Variants in HDAC9 observed in about 807,000 individuals in gnomAD.
HDAC9 encodes MEF-2 interacting transcription repressor (MITR) protein.
A neutral mutation model predicts 139.4 loss-of-function variants in HDAC9; 41 were observed. The observed-to-expected ratio is 0.29, with a 90% CI of 0.23 to 0.38. The LOEUF (loss-of-function observed/expected upper bound fraction) is 0.38, where lower values mean the gene tolerates loss of function less well. Ranked by LOEUF, HDAC9 falls within the 10% of genes least tolerant of loss-of-function variation. The pLI is 1.00. For missense variants in HDAC9, 1,147 were observed against 1,297.0 expected, an observed-to-expected ratio of 0.88 and a Z score of 1.78; for synonymous variants, 517 against 476.2, an observed-to-expected ratio of 1.09 and a Z score of -1.12.
At chr7:18,193,443 C>T (rs1387051611) in intron 2 of HDAC9, among the ~76,000 whole-genome samples, 1 of 152,154 alleles carries the variant, frequency 6.6e-6, no homozygotes, top group Non-Finnish European at 1.5e-5. Flanking sequence ...AAATTATTCT[C>T]TCCCTTTGCT....
chr7:18,720,163 T>C (rs1785036336), intron 12 of HDAC9, among the ~76,000 whole-genome samples: 1 of 152,144 alleles, frequency 6.6e-6, no homozygotes, highest in Admixed American at 6.5e-5. Flanking sequence ...TATCTATCCA[T>C]ATATCAAATA....
At chr7:18,441,313 T>A (rs10252018) in intron 1 of HDAC9, among the ~76,000 whole-genome samples, 8,512 of 152,310 alleles carry the variant, frequency 0.056, 418 homozygotes, top group African/African-American at 0.13. Context: ...TTTATTGTAA[T>A]ATTTTACTGG....
chr7:18,137,632 G>A (rs1026432181), intron 1 of HDAC9, among the ~76,000 whole-genome samples: 52 of 150,374 alleles, frequency 3.5e-4, no homozygotes, highest in African/African-American at 1.2e-3. Context: ...TATTGAACCA[G>A]CCTTGCATCC....
At chr7:18,384,912 C>T (rs978238684) in intron 1 of HDAC9, among the ~76,000 whole-genome samples, 4 of 151,710 alleles carry the variant, frequency 2.6e-5, no homozygotes, top group African/African-American at 9.7e-5. Flanking sequence ...ATTAGATAGA[C>T]ACATTTCTCC....
intron 22 of HDAC9, among the ~76,000 whole-genome samples, chr7:18,922,837 A>G (rs1412156449): frequency 1.3e-5 from 2 of 152,096 alleles, no homozygotes; most frequent in Admixed American, 1.3e-4. Context: ...ATGCTTCCCA[A>G]GGTAGACTAG....
In HDAC9 at chr7:18,878,187, AT is replaced by A. The variant is rs1005836380; in HGVS notation, c.2803+3600del. ...CCCCTGGCTTTATAGTGTTGTTAACATTTTTTTTTAAAAAAAAGCTTCTTTG... is the reference window on the plus strand; with the variant it reads ...CCCCTGGCTTTATAGTGTTGTTAACATTTTTTTTAAAAAAAAGCTTCTTTG... On this transcript the variant is annotated intron_variant, in intron 22 of 25. Coordinates refer to ENST00000686413, the MANE Select transcript of HDAC9 (RefSeq NM_178425.4). Among the ~76,000 whole-genome samples, 12 of 151,418 alleles carry A rather than the reference AT, an allele frequency of 7.9e-5. 1 individual carries two copies. The highest frequency in any genetic ancestry group is 4.0e-4 in the Admixed American group (6 of 15,184).
At chr7:18,092,206 C>A (rs146613162) in intron 1 of HDAC9, among the ~76,000 whole-genome samples, 7 of 151,904 alleles carry the variant, frequency 4.6e-5, no homozygotes, top group Middle Eastern at 3.4e-3. Context: ...GGCAACATGG[C>A]GCGACCCTGT....
At chr7:18,965,342 A>C (rs1449635190) in intron 24 of HDAC9, among the ~76,000 whole-genome samples, 1 of 152,220 alleles carries the variant, frequency 6.6e-6, no homozygotes, top group Non-Finnish European at 1.5e-5. Flanking sequence ...CATTTTAGTA[A>C]TATGTGTCTC....
At chr7:18,874,001 GTT>G (rs35144869) in intron 21 of HDAC9, among the ~76,000 whole-genome samples, 40 of 58,268 alleles carry the variant, frequency 6.9e-4, no homozygotes, top group Middle Eastern at 0.02. Flanking sequence ...ATTTAAAAAT[GTT>G]TTTTTTTTTT....
chr7:18,871,230 A>G (rs1182649569), intron 21 of HDAC9, among the ~76,000 whole-genome samples: 2 of 152,106 alleles, frequency 1.3e-5, no homozygotes, highest in Non-Finnish European at 1.5e-5. Context: ...GTGCTTTCAT[A>G]TTGGTTCACA....
chr7:18,673,618 A>T (rs1795786789), intron 12 of HDAC9, among the ~76,000 whole-genome samples: 1 of 152,092 alleles, frequency 6.6e-6, no homozygotes, highest in Admixed American at 6.6e-5. Flanking sequence ...AAGAATATAC[A>T]TGGTTTGCAT....
intron 2 of HDAC9, among the ~76,000 whole-genome samples, chr7:18,568,995 C>T (rs754645594): frequency 9.2e-5 from 14 of 151,812 alleles, no homozygotes; most frequent in Non-Finnish European, 1.3e-4. Context: ...TGCAATGAGC[C>T]GAGATCACGC....
chr7:18,507,382 A>G lies in HDAC9; in HGVS notation c.22+11058A>G, dbSNP rs545051578. Among the ~76,000 whole-genome samples, 6 of 150,472 alleles carry G rather than the reference A, an allele frequency of 4.0e-5. No homozygotes were observed. The East Asian group carries it at 9.8e-4, about 25-fold the overall frequency. On this transcript the variant is annotated intron_variant, in intron 2 of 25. Coordinates refer to ENST00000686413, the MANE Select transcript of HDAC9 (RefSeq NM_178425.4). ...GTTTTTTTTTGTATTTTTAGTAGAG[A>G]CGGGGTTTCACCATGTTAGACAGGA...
intron 2 of HDAC9, among the ~76,000 whole-genome samples, chr7:18,201,791 G>C: frequency 6.6e-6 from 1 of 152,010 alleles, no homozygotes; most frequent in Non-Finnish European, 1.5e-5. Flanking sequence ...TCTTTTCCTT[G>C]TAAGATGAGT....
intron 2 of HDAC9, among the ~76,000 whole-genome samples, chr7:18,570,875 G>A (rs972362037): frequency 2.0e-5 from 3 of 152,330 alleles, no homozygotes; most frequent in Non-Finnish European, 2.9e-5. Context: ...GAGAAACTCG[G>A]GAGACTGGCC....
chr7:18,311,579 C>A (rs1799319407), intron 1 of HDAC9, among the ~76,000 whole-genome samples: 1 of 151,968 alleles, frequency 6.6e-6, no homozygotes, highest in African/African-American at 2.4e-5. Flanking sequence ...GTTAGTTGCC[C>A]AAATTTACAT....
chr7:18,971,394 T>C (rs1330920887), intron 24 of HDAC9, among the ~76,000 whole-genome samples: 1 of 152,222 alleles, frequency 6.6e-6, no homozygotes, highest in Admixed American at 6.5e-5. Flanking sequence ...TCATTACTAA[T>C]ATTTGACTTT....
At chr7:18,468,207 C>G (rs1400633085) in intron 1 of HDAC9, among the ~76,000 whole-genome samples, 1 of 152,096 alleles carries the variant, frequency 6.6e-6, no homozygotes, top group Admixed American at 6.6e-5. Context: ...AAGCACAACT[C>G]ATAAACAAGG....
At chr7:18,251,103 A>G (rs2005774) in intron 2 of HDAC9, among the ~76,000 whole-genome samples, 110,591 of 152,108 alleles carry the variant, frequency 0.73, 40,429 homozygotes, top group South Asian at 0.86. Flanking sequence ...CATGGAATCA[A>G]TCTAAATGAC....
Sources: gnomAD v4.1 joint callset for allele counts (sites outside exome capture counted in the v4.1 genomes callset) on GRCh38, gnomAD v4.1.1 for gene constraint, MANE v1.5 for transcripts, NCBI Gene and HGNC (gene_info 2026-07-23, HGNC 2026-07-21) for gene names.